The following ZDHHC3 variants were observed in gnomAD, a reference collection of about 807,000 sequenced individuals.
ZDHHC3 encodes the protein zDHHC palmitoyltransferase 3.
Under a neutral mutation model 30.6 loss-of-function variants are expected in ZDHHC3, and 9 were observed. That is an observed-to-expected ratio of 0.29 (90% CI 0.18 to 0.51). The LOEUF is 0.51. Among genes scored for constraint, ZDHHC3 ranks in the 20% least tolerant of loss-of-function variants. ZDHHC3 has a pLI of 0.97. For missense variants in ZDHHC3, 246 were observed against 384.2 expected (o/e 0.64, Z 3.01); for synonymous variants, 136 against 140.2 (o/e 0.97, Z 0.21).
In ZDHHC3 at chr3:44,919,146, G is replaced by A; in HGVS notation, c.*7543C>T. 1 of 962,490 alleles carries A rather than the reference G, an allele frequency of 1.0e-6. No individual in the cohort carries two copies. The highest frequency in any genetic ancestry group is 1.2e-6 in the Non-Finnish European group (1 of 809,428). The allele number at this position is 962,490 out of a possible 1,614,324, so 59.6% of individuals were successfully genotyped here. A position where few individuals can be genotyped will look rare whatever the true frequency, so the allele number is the denominator to read the frequency against. On this transcript the variant is annotated 3_prime_UTR_variant, in exon 7 of 7. Coordinates refer to ENST00000424952, the MANE Select transcript of ZDHHC3 (RefSeq NM_001135179.2). ...GGATCTCAAAAGTATATCCTCATAA[G>A]ATACTTATCAATTACAAAGGGAAAA... is the stretch of plus-strand genomic sequence containing the variant.
At chr3:44,968,130 AT>A (rs1002435284) in intron 1 of ZDHHC3, among the ~76,000 whole-genome samples, 139 of 150,466 alleles carry the variant, frequency 9.2e-4, no homozygotes, top group South Asian at 2.9e-3. Flanking sequence ...CAGCACATGG[AT>A]TTTTTTTTTC....
intron 1 of ZDHHC3, among the ~76,000 whole-genome samples, chr3:44,964,157 C>T (rs907684207): frequency 2.0e-5 from 3 of 152,192 alleles, no homozygotes; most frequent in Admixed American, 1.3e-4. Context: ...GACACACCCA[C>T]AATAATGCTA....
Position 44,918,273 on chromosome 3 carries a change from G to A in ZDHHC3, c.*8416C>T, listed in dbSNP as rs926150166. 11 of 1,202,100 alleles carry A rather than the reference G, an allele frequency of 9.2e-6. No individual in the cohort carries two copies. Among genetic ancestry groups the A allele is most frequent in the African/African-American group, 3.2e-5 (2 of 63,072 alleles). The allele number at this position is 1,202,100 out of a possible 1,614,324, so 74.5% of individuals were successfully genotyped here. A position where few individuals can be genotyped will look rare whatever the true frequency, so the allele number is the denominator to read the frequency against. On this transcript the variant is annotated 3_prime_UTR_variant, in exon 7 of 7. Coordinates refer to ENST00000424952, the MANE Select transcript of ZDHHC3 (RefSeq NM_001135179.2). ...GGTGTCCACGGCATGGGTAAGATGG[G>A]GTCTGAGTGGGCAGTCTGTTGTGGC...
chr3:44,962,546 G>GAAGGA (rs1559716960), intron 1 of ZDHHC3, among the ~76,000 whole-genome samples: 1 of 74,586 alleles, frequency 1.3e-5, no homozygotes, highest in Non-Finnish European at 3.3e-5. Context: ...GAAGGAAGGG[G>GAAGGA]AGGGGAGGGG....
At chr3:44,975,772 T>TCTCACACA (rs1282814843) in intron 1 of ZDHHC3, among the ~76,000 whole-genome samples, 161 bp downstream of exon 1, 2 of 116,704 alleles carry the variant, frequency 1.7e-5, no homozygotes, top group African/African-American at 6.7e-5. Flanking sequence ...TCTCTCTCTC[T>TCTCACACA]CACACACACA....
intron 1 of ZDHHC3, among the ~76,000 whole-genome samples, chr3:44,972,121 C>T (rs1705453787): frequency 6.6e-6 from 1 of 152,134 alleles, no homozygotes; most frequent in Non-Finnish European, 1.5e-5. Context: ...TAAAACATGG[C>T]CATGTCTGCT....
Position 44,925,055 on chromosome 3 carries a change from C to T in ZDHHC3, c.*1634G>A. The T allele has an allele frequency of 1.0e-6, 1 of 985,798 alleles. No homozygotes were observed. The highest frequency in any genetic ancestry group is 4.7e-5 in the South Asian group (1 of 21,288). 61.1% of individuals were successfully genotyped at this position (985,798 alleles called of 1,614,324 possible). On this transcript the variant is annotated 3_prime_UTR_variant, in exon 7 of 7. Transcript: ENST00000424952. ...TTTAAAACAAAAAAAATAAAGTATC[C>T]TCATTCAAGAGACAGAGCAATGAAA...
intron 1 of ZDHHC3, among the ~76,000 whole-genome samples, chr3:44,966,608 T>C (rs1169985108): frequency 1.3e-5 from 2 of 152,202 alleles, no homozygotes; most frequent in Non-Finnish European, 2.9e-5. Context: ...AGTGATAGTC[T>C]TAAAGTATTC....
At position 44,925,985 on chromosome 3, in the gene ZDHHC3, T is replaced by G; in HGVS notation, c.*704A>C. 1 of 985,816 alleles carries G rather than the reference T, an allele frequency of 1.0e-6. No individual in the cohort carries two copies. The highest frequency in any genetic ancestry group is 1.2e-6 in the Non-Finnish European group (1 of 829,938). 61.1% of individuals were successfully genotyped at this position (985,816 alleles called of 1,614,324 possible). A position where few individuals can be genotyped will look rare whatever the true frequency, so the allele number is the denominator to read the frequency against. ...GAAAAACGTCTTTCCTACACACTCTTCCAAATAATCACAGGGAATATAATT... is the reference window on the plus strand; with the variant it reads ...GAAAAACGTCTTTCCTACACACTCTGCCAAATAATCACAGGGAATATAATT... On this transcript the variant is annotated 3_prime_UTR_variant, in exon 7 of 7. Coordinates refer to ENST00000424952, the MANE Select transcript of ZDHHC3 (RefSeq NM_001135179.2).
At chr3:44,963,203 G>A (rs962846192) in intron 1 of ZDHHC3, among the ~76,000 whole-genome samples, 2 of 152,166 alleles carry the variant, frequency 1.3e-5, no homozygotes, top group South Asian at 4.1e-4. Flanking sequence ...TTCAAACAAC[G>A]TGGGACCAAA....
At position 44,923,752 on chromosome 3, in the gene ZDHHC3, C is replaced by T. The variant is rs752485176; in HGVS notation, c.*2937G>A. The T allele has an allele frequency of 5.0e-4, 477 of 947,330 alleles. No homozygotes were observed. The highest frequency in any genetic ancestry group is 5.9e-4 in the Non-Finnish European group (466 of 795,590). The allele number at this position is 947,330 out of a possible 1,614,324, so 58.7% of individuals were successfully genotyped here. On this transcript the variant is annotated 3_prime_UTR_variant, in exon 7 of 7. Coordinates refer to ENST00000424952, the MANE Select transcript of ZDHHC3 (RefSeq NM_001135179.2). ...CAGGAGTTCAAGGCTGCAGTGAGCT[C>T]TAATTGTGCCACTGCATTCCAGCCT...
intron 2 of ZDHHC3, among the ~76,000 whole-genome samples, chr3:44,951,109 T>C (rs1008020471): frequency 1.3e-5 from 2 of 152,224 alleles, no homozygotes; most frequent in African/African-American, 4.8e-5. Flanking sequence ...TTCTGAAACA[T>C]ATTCTTAAAG....
chr3:44,917,953 A>G lies in ZDHHC3; in HGVS notation c.*8736T>C. ...CTTTGTCTCCTCTGATGGATCCTCCATTGTTTCGGTGTCTGACAGCGATGT... is the reference window on the plus strand; with the variant it reads ...CTTTGTCTCCTCTGATGGATCCTCCGTTGTTTCGGTGTCTGACAGCGATGT... On this transcript the variant is annotated 3_prime_UTR_variant, in exon 7 of 7. Coordinates refer to ENST00000424952, the MANE Select transcript of ZDHHC3 (RefSeq NM_001135179.2). The G allele has an allele frequency of 1.5e-6, 2 of 1,305,122 alleles. No individual in the cohort carries two copies. The highest frequency in any genetic ancestry group is 2.0e-6 in the Non-Finnish European group (2 of 988,924). The allele number at this position is 1,305,122 out of a possible 1,614,324, so 80.8% of individuals were successfully genotyped here. A position where few individuals can be genotyped will look rare whatever the true frequency, so the allele number is the denominator to read the frequency against.
intron 6 of ZDHHC3, among the ~76,000 whole-genome samples, chr3:44,928,342 C>A (rs1413842888): frequency 6.6e-6 from 1 of 152,158 alleles, no homozygotes; most frequent in African/African-American, 2.4e-5. Flanking sequence ...CCTCTAAGCC[C>A]ACAGGGGAAG....
Position 44,976,161 on chromosome 3 carries a change from C to T in ZDHHC3, c.-253G>A. ...GCGGCGGCCGCGGCTGCAGGAGCGG[C>T]CGCCGCGCAGGTTGATGACGCGCTG... On this transcript the variant is annotated 5_prime_UTR_variant, in exon 1 of 7. Transcript: ENST00000424952. The T allele has an allele frequency of 2.2e-6, 2 of 922,126 alleles. No individual in the cohort carries two copies. The highest frequency in any genetic ancestry group is 3.8e-4 in the Middle Eastern group (1 of 2,648). 57.1% of individuals were successfully genotyped at this position (922,126 alleles called of 1,614,324 possible). A position where few individuals can be genotyped will look rare whatever the true frequency, so the allele number is the denominator to read the frequency against.
chr3:44,924,718 C>T lies in ZDHHC3; in HGVS notation c.*1971G>A, dbSNP rs1450052976. 5 of 985,332 alleles carry T rather than the reference C, an allele frequency of 5.1e-6. No homozygotes were observed. The African/African-American group carries it at 7.0e-5, about 14-fold the overall frequency. The allele number at this position is 985,332 out of a possible 1,614,324, so 61.0% of individuals were successfully genotyped here. A position where few individuals can be genotyped will look rare whatever the true frequency, so the allele number is the denominator to read the frequency against. ...GGAGGGCCAGAGCTGTAGCCCTGCT[C>T]TAGTTATTTAATACAATAACACTTC... On this transcript the variant is annotated 3_prime_UTR_variant, in exon 7 of 7. Coordinates refer to ENST00000424952, the MANE Select transcript of ZDHHC3 (RefSeq NM_001135179.2).
chr3:44,925,450 C>T lies in ZDHHC3; in HGVS notation c.*1239G>A, dbSNP rs917300556. On this transcript the variant is annotated 3_prime_UTR_variant, in exon 7 of 7. Transcript: ENST00000424952. ...TATTTTTGCACTTGGAGGGCACTCC[C>T]TACCTCCTTCACCTCTATCCACCAT... The T allele has an allele frequency of 2.0e-6, 2 of 985,358 alleles. No homozygotes were observed. The highest frequency in any genetic ancestry group is 3.5e-5 in the African/African-American group (2 of 57,250). 61.0% of individuals were successfully genotyped at this position (985,358 alleles called of 1,614,324 possible). A position where few individuals can be genotyped will look rare whatever the true frequency, so the allele number is the denominator to read the frequency against.
chr3:44,918,252 T>G lies in ZDHHC3; in HGVS notation c.*8437A>C, dbSNP rs1700339870. On this transcript the variant is annotated 3_prime_UTR_variant, in exon 7 of 7. Coordinates refer to ENST00000424952, the MANE Select transcript of ZDHHC3 (RefSeq NM_001135179.2). Reference sequence around the variant, plus strand: ...CAGTGGCGGGGGGGGGGGCGGGGTGTCCACGGCATGGGTAAGATGGGGTCT... The same window carrying G: ...CAGTGGCGGGGGGGGGGGCGGGGTGGCCACGGCATGGGTAAGATGGGGTCT... The G allele has an allele frequency of 8.3e-7, 1 of 1,210,794 alleles. No homozygotes were observed. Among genetic ancestry groups the G allele is most frequent in the African/African-American group, 1.6e-5 (1 of 62,526 alleles). The allele number at this position is 1,210,794 out of a possible 1,614,324, so 75.0% of individuals were successfully genotyped here.
At chr3:44,936,900 G>A (rs188938459) in intron 3 of ZDHHC3, among the ~76,000 whole-genome samples, 3 of 147,410 alleles carry the variant, frequency 2.0e-5, no homozygotes, top group Admixed American at 7.0e-5. Context: ...CTGCTTGAAC[G>A]AAGGCAACTT....
Sources: gnomAD v4.1 joint callset for allele counts (sites outside exome capture counted in the v4.1 genomes callset) on GRCh38, gnomAD v4.1.1 for gene constraint, MANE v1.5 for transcripts, NCBI Gene and HGNC (gene_info 2026-07-23, HGNC 2026-07-21) for gene names.